The following PLCZ1 variants were observed in gnomAD, a reference collection of about 807,000 sequenced individuals.
PLCZ1 encodes 1-phosphatidylinositol 4,5-bisphosphate phosphodiesterase zeta-1.
Under a neutral mutation model 76.8 loss-of-function variants are expected in PLCZ1, and 64 were observed. The observed-to-expected ratio is 0.83, with a 90% CI of 0.68 to 1.03. The LOEUF (loss-of-function observed/expected upper bound fraction) is 1.03. Among genes scored for constraint, PLCZ1 ranks in the 50% least tolerant of loss-of-function variants. The probability of loss-of-function intolerance (pLI) is 0.00; values close to 1 mark genes in which losing one functional copy is unlikely to be tolerated. For missense variants in PLCZ1, 751 were observed against 713.7 expected (o/e 1.05, Z -0.60); for synonymous variants, 248 against 230.8 (o/e 1.07, Z -0.68).
At chr12:18,669,583 C>T in the PLCZ1 span, among the ~76,000 whole-genome samples, 1 of 152,060 alleles carries the variant, frequency 6.6e-6, no homozygotes, top group African/African-American at 2.4e-5. Context: ...GGTGAGGGCC[C>T]CTATTCCTGG....
At position 18,725,600 on chromosome 12, in the gene PLCZ1, G is replaced by A. The variant is rs139892379; in HGVS notation, c.136-2058C>T. Among the ~76,000 whole-genome samples, 541 of 152,174 alleles carry A rather than the reference G, an allele frequency of 3.6e-3. 4 individuals are homozygous for A. Among genetic ancestry groups the A allele is most frequent in the African/African-American group, 0.013 (520 of 41,526 alleles). On this transcript the variant is annotated intron_variant, in intron 3 of 14. Coordinates refer to ENST00000266505, the MANE Select transcript of PLCZ1 (RefSeq NM_033123.4). ...TTAAAGTTCTCACTGTACCTCCTTT[G>A]TCTTCAAGACAAAACCCCAACTGTA...
At chr12:18,662,053 G>A in the PLCZ1 span, among the ~76,000 whole-genome samples, 42 of 152,156 alleles carry the variant, frequency 2.8e-4, no homozygotes, top group African/African-American at 7.9e-4. Flanking sequence ...GTGTTCTCCC[G>A]TATTAAGTAG....
At chr12:18,646,731 T>G in the PLCZ1 span, among the ~76,000 whole-genome samples, 1 of 152,128 alleles carries the variant, frequency 6.6e-6, no homozygotes, top group Non-Finnish European at 1.5e-5. Context: ...CTAAATGTGT[T>G]CTAAGACATT....
At chr12:18,702,463 A>C (rs1956076380) in intron 7 of PLCZ1, among the ~76,000 whole-genome samples, 1 of 152,148 alleles carries the variant, frequency 6.6e-6, no homozygotes, top group African/African-American at 2.4e-5. Flanking sequence ...GCTCTGTTAT[A>C]TACAATGCTG....
chr12:18,669,161 TG>T, the PLCZ1 span, among the ~76,000 whole-genome samples: 445 of 152,302 alleles, frequency 2.9e-3, 2 homozygotes, highest in African/African-American at 9.9e-3. Context: ...ATTCCTCTGA[TG>T]GGAAACTAAA....
Position 18,696,322 on chromosome 12 carries a change from C to CTATATATATATATATATA in PLCZ1, c.1175-74_1175-57dup, listed in dbSNP as rs71440372. 7.2e-3 allele frequency: 1,918 copies of CTATATATATATATATATA among 267,186 alleles called. 127 individuals carry two copies. Among genetic ancestry groups the CTATATATATATATATATA allele is most frequent in the African/African-American group, 0.028 (461 of 16,294 alleles). 16.6% of individuals were successfully genotyped at this position (267,186 alleles called of 1,614,324 possible). A position where few individuals can be genotyped will look rare whatever the true frequency, so the allele number is the denominator to read the frequency against. On this transcript the variant is annotated intron_variant, in intron 10 of 14. Coordinates refer to ENST00000266505, the MANE Select transcript of PLCZ1 (RefSeq NM_033123.4). ...GAATTCAAATAAATTTAAAAAGCCA[C>CTATATATATATATATATA]TATATATATATATATATATATATAT...
chr12:18,675,756 G>A, the PLCZ1 span, among the ~76,000 whole-genome samples: 2 of 151,828 alleles, frequency 1.3e-5, no homozygotes, highest in Non-Finnish European at 2.9e-5. Context: ...ATTATTTTAA[G>A]TGAAATAACT....
At chr12:18,649,307 T>G in the PLCZ1 span, among the ~76,000 whole-genome samples, 2 of 152,132 alleles carry the variant, frequency 1.3e-5, no homozygotes, top group African/African-American at 4.8e-5. Flanking sequence ...TCCACCTCTC[T>G]GCTTATTACC....
Position 18,723,545 on chromosome 12 carries a change from A to G in PLCZ1, c.136-3T>C. The G allele has an allele frequency of 6.2e-7, 1 of 1,609,760 alleles. No homozygotes were observed. The highest frequency in any genetic ancestry group is 8.5e-7 in the Non-Finnish European group (1 of 1,177,618). On this transcript the variant is annotated splice_region_variant and splice_polypyrimidine_tract_variant and intron_variant, in intron 3 of 14. Coordinates refer to ENST00000266505, the MANE Select transcript of PLCZ1 (RefSeq NM_033123.4). ...CCTTGTTTCAGCCTGTCATTGTCCT[A>G]CTAAAAAAATGACTGGTGGGCTCAC...
intron 7 of PLCZ1, among the ~76,000 whole-genome samples, chr12:18,702,417 T>C (rs1412738678): frequency 1.3e-5 from 2 of 152,204 alleles, no homozygotes; most frequent in Non-Finnish European, 2.9e-5. Flanking sequence ...GCCCTTAGGA[T>C]AATTTCTTTA....
At chr12:18,699,770 T>C in intron 10 of PLCZ1, 24 bp downstream of exon 10, 1 of 1,600,328 alleles carries the variant, frequency 6.2e-7, no homozygotes, top group Non-Finnish European at 8.6e-7. Flanking sequence ...AAACATTTCA[T>C]CTATTTGAGT....
At chr12:18,700,512 C>CAAAAAAAAAAAAAAAAAAA (rs11324526) in intron 9 of PLCZ1, among the ~76,000 whole-genome samples, 2 of 67,896 alleles carry the variant, frequency 2.9e-5, no homozygotes, top group African/African-American at 1.2e-4. Flanking sequence ...AGCCAACGTA[C>CAAAAAAAAAAAAAAAAAAA]AAAAAAAAAA....
chr12:18,683,006 G>A (rs1448564113), downstream of PLCZ1, among the ~76,000 whole-genome samples: 2 of 151,958 alleles, frequency 1.3e-5, no homozygotes, highest in Non-Finnish European at 2.9e-5. Context: ...AGCAGCAGAA[G>A]GGCAGGAGAA....
At chr12:18,655,549 G>A in the PLCZ1 span, among the ~76,000 whole-genome samples, 1 of 152,112 alleles carries the variant, frequency 6.6e-6, no homozygotes, top group East Asian at 1.9e-4. Flanking sequence ...TCATCCTGAA[G>A]AATATAATAT....
intron 12 of PLCZ1, among the ~76,000 whole-genome samples, chr12:18,688,776 T>A (rs1213717237): frequency 6.6e-6 from 1 of 152,026 alleles, no homozygotes; most frequent in Non-Finnish European, 1.5e-5. Flanking sequence ...AGCAAAAATG[T>A]GTTATAATTT....
intron 2 of PLCZ1, chr12:18,736,650 G>A (rs944995169): frequency 8.8e-5 from 114 of 1,292,836 alleles, no homozygotes; most frequent in Non-Finnish European, 1.1e-4. Flanking sequence ...TTGCCTGAAG[G>A]CATGAAGTTG....
Position 18,688,228 on chromosome 12 carries a change from T to C in PLCZ1, c.1462-10A>G. Reference sequence around the variant, plus strand: ...GGATACCACTGATGAGCTGCACAAATATATATGAATATAAGAATTTAGCAA... The same window carrying C: ...GGATACCACTGATGAGCTGCACAAACATATATGAATATAAGAATTTAGCAA... On this transcript the variant is annotated splice_polypyrimidine_tract_variant and intron_variant, in intron 12 of 14. Transcript: ENST00000266505. 1 of 1,596,880 alleles carries C rather than the reference T, an allele frequency of 6.3e-7. No individual in the cohort carries two copies.
chr12:18,719,496 A>G lies in PLCZ1; in HGVS notation c.504T>C (p.Ser168=), dbSNP rs1958312098. ...THPLNDYFIS[S]SHNTYLVSDQ... ...CAGATACCAAATATGTGTTATGTGAAGATGAAATAAAATAATCATTTAATG... is the reference window on the plus strand; with the variant it reads ...CAGATACCAAATATGTGTTATGTGAGGATGAAATAAAATAATCATTTAATG... Residue 168 remains serine, a synonymous_variant, in exon 5 of 15, where the codon TCT becomes TCC. Coordinates refer to ENST00000266505, the MANE Select transcript of PLCZ1 (RefSeq NM_033123.4). 1 of 1,588,946 alleles carries G rather than the reference A, an allele frequency of 6.3e-7. No homozygotes were observed. The highest frequency in any genetic ancestry group is 1.2e-5 in the South Asian group (1 of 86,156).
In PLCZ1 at chr12:18,701,790, T is replaced by C; in HGVS notation, c.865-14A>G. ...GAATTTTAGTGCCTAAGGAAACAATTTGAGAGATACAATTACACATTTACA... is the reference window on the plus strand; with the variant it reads ...GAATTTTAGTGCCTAAGGAAACAATCTGAGAGATACAATTACACATTTACA... On this transcript the variant is annotated splice_polypyrimidine_tract_variant and intron_variant, in intron 7 of 14. Transcript: ENST00000266505. 1 of 1,588,368 alleles carries C rather than the reference T, an allele frequency of 6.3e-7. No individual in the cohort carries two copies. The highest frequency in any genetic ancestry group is 8.6e-7 in the Non-Finnish European group (1 of 1,167,406).
Sources: allele counts gnomAD v4.1 joint callset (sites outside exome capture counted in the v4.1 genomes callset), GRCh38; gene constraint gnomAD v4.1.1; transcripts MANE v1.5; gene names NCBI Gene and HGNC (gene_info 2026-07-23, HGNC 2026-07-21).